The following CRTAC1 variants were observed in gnomAD, a reference collection of about 807,000 sequenced individuals.
CRTAC1 encodes cartilage acidic protein 1, also known as acidic secreted protein in cartilage.
A neutral mutation model predicts 67.8 loss-of-function variants in CRTAC1; 37 were observed. The ratio of observed to expected loss-of-function variants is 0.55; its 90% CI spans 0.42 to 0.72. The LOEUF (loss-of-function observed/expected upper bound fraction) is 0.72. Among genes scored for constraint, CRTAC1 ranks in the 30% least tolerant of loss-of-function variants. CRTAC1 has a pLI of 0.00. For synonymous variants in CRTAC1, 348 were observed against 371.0 expected (o/e 0.94, Z 0.71); for missense variants, 780 against 931.6 (o/e 0.84, Z 2.12).
chr10:97,932,439 T>C (rs1183575395), intron 3 of CRTAC1, among the ~76,000 whole-genome samples: 1 of 152,106 alleles, frequency 6.6e-6, no homozygotes, highest in Non-Finnish European at 1.5e-5. Context: ...ACTAAGACCC[T>C]AGTAGGAGAG....
chr10:97,989,233 C>G (rs1004297288), intron 2 of CRTAC1, among the ~76,000 whole-genome samples: 1 of 152,096 alleles, frequency 6.6e-6, no homozygotes, highest in Non-Finnish European at 1.5e-5. Flanking sequence ...AATCACATGC[C>G]GATTCCTCAT....
At chr10:97,999,613 GAGA>G (rs1467584616) in intron 2 of CRTAC1, among the ~76,000 whole-genome samples, 1 of 152,230 alleles carries the variant, frequency 6.6e-6, no homozygotes, top group Non-Finnish European at 1.5e-5. Flanking sequence ...ACAGGTTTCT[GAGA>G]AGAAGGGGGC....
At chr10:97,922,922 G>C (rs2050860924) in intron 4 of CRTAC1, among the ~76,000 whole-genome samples, 1 of 152,212 alleles carries the variant, frequency 6.6e-6, no homozygotes, top group African/African-American at 2.4e-5. Context: ...GCAGGATTTA[G>C]AGCTAGAAGA....
At chr10:97,953,315 C>A (rs1307982334) in intron 2 of CRTAC1, among the ~76,000 whole-genome samples, 1 of 152,132 alleles carries the variant, frequency 6.6e-6, no homozygotes, top group African/African-American at 2.4e-5. Flanking sequence ...AAGAGAGTGA[C>A]ATGCACCATA....
chr10:97,879,373 C>T (rs996921110), intron 14 of CRTAC1, among the ~76,000 whole-genome samples: 1 of 152,198 alleles, frequency 6.6e-6, no homozygotes, highest in African/African-American at 2.4e-5. Context: ...AAATAATGAG[C>T]TCACGAGACA....
In CRTAC1 at chr10:97,936,203, TCTC is replaced by T. The variant is rs1166749841; in HGVS notation, c.385_387del (p.Glu129del). The stretch of plus-strand genomic sequence containing the variant: ...GCATTATTGGTGTTGAGGAAGTAGA[TCTC>T]CTCCCGGCCGTCCCCGTCGATGTCG... On this transcript the variant is annotated inframe_deletion, in exon 3 of 15. Coordinates refer to ENST00000370597, the MANE Select transcript of CRTAC1 (RefSeq NM_018058.7). 1.2e-6 allele frequency: 2 copies of T among 1,613,008 alleles called. No homozygotes were observed. Among genetic ancestry groups the T allele is most frequent in the Non-Finnish European group, 1.7e-6 (2 of 1,179,518 alleles).
chr10:97,906,728 G>A (rs1219343303), intron 6 of CRTAC1, among the ~76,000 whole-genome samples: 1 of 152,210 alleles, frequency 6.6e-6, no homozygotes, highest in African/African-American at 2.4e-5. Context: ...AGGATAAGAG[G>A]TAAGGCAAGG....
chr10:97,965,552 T>C (rs948437432), intron 2 of CRTAC1, among the ~76,000 whole-genome samples: 1 of 152,218 alleles, frequency 6.6e-6, no homozygotes, highest in African/African-American at 2.4e-5. Flanking sequence ...TTCTTTCTTC[T>C]TTTTTGGTAA....
At chr10:97,930,735 C>T (rs1261718231) in intron 3 of CRTAC1, among the ~76,000 whole-genome samples, 1 of 152,094 alleles carries the variant, frequency 6.6e-6, no homozygotes, top group African/African-American at 2.4e-5. Context: ...GCTGGAAGTA[C>T]CACCCATCCA....
intron 4 of CRTAC1, among the ~76,000 whole-genome samples, chr10:97,918,711 C>T (rs2050793839): frequency 6.6e-6 from 1 of 152,202 alleles, no homozygotes; most frequent in Non-Finnish European, 1.5e-5. Context: ...TTCAATGTCT[C>T]ATCCATTGGC....
chr10:97,921,250 C>T (rs1233244521), intron 4 of CRTAC1, among the ~76,000 whole-genome samples: 1 of 152,080 alleles, frequency 6.6e-6, no homozygotes, highest in African/African-American at 2.4e-5. Context: ...ATCCACTGAC[C>T]AGGTAGCTAG....
intron 12 of CRTAC1, among the ~76,000 whole-genome samples, chr10:97,883,471 C>T (rs1365945850): frequency 6.6e-6 from 1 of 152,198 alleles, no homozygotes; most frequent in African/African-American, 2.4e-5. Context: ...ACACACATGA[C>T]ACAAAATGTC....
chr10:98,012,173 T>C (rs1842922760), intron 1 of CRTAC1, among the ~76,000 whole-genome samples: 1 of 152,206 alleles, frequency 6.6e-6, no homozygotes, highest in African/African-American at 2.4e-5. Flanking sequence ...ATAAATTAAT[T>C]ATGTATAATG....
chr10:97,874,244 G>T (rs767542719), intron 14 of CRTAC1, among the ~76,000 whole-genome samples: 2 of 152,204 alleles, frequency 1.3e-5, no homozygotes, highest in Non-Finnish European at 2.9e-5. Flanking sequence ...GACTTCTCAG[G>T]TGTTCCTGGA....
intron 2 of CRTAC1, among the ~76,000 whole-genome samples, chr10:97,948,903 G>T (rs548750674): frequency 1.3e-5 from 2 of 152,136 alleles, no homozygotes; most frequent in Non-Finnish European, 2.9e-5. Context: ...AGCAAGGAGT[G>T]GGGGAAAGCC....
chr10:97,886,691 C>T (rs1590182033), intron 11 of CRTAC1, among the ~76,000 whole-genome samples: 1 of 145,420 alleles, frequency 6.9e-6, no homozygotes, highest in Non-Finnish European at 1.5e-5. Context: ...GTCACCCAGG[C>T]TGGAGTGTGG....
chr10:97,992,970 T>A (rs914056034), intron 2 of CRTAC1, among the ~76,000 whole-genome samples: 3 of 152,194 alleles, frequency 2.0e-5, no homozygotes, highest in African/African-American at 2.4e-5. Context: ...GTAATGCATA[T>A]CTTAATTAGC....
chr10:98,009,664 T>C (rs1200778087), intron 2 of CRTAC1, among the ~76,000 whole-genome samples: 2 of 152,214 alleles, frequency 1.3e-5, no homozygotes, highest in Admixed American at 6.5e-5. Flanking sequence ...TACTGTTACA[T>C]GCAACTGCTG....
intron 2 of CRTAC1, among the ~76,000 whole-genome samples, chr10:97,992,110 C>T (rs1336342220): frequency 4.6e-5 from 7 of 152,260 alleles, no homozygotes; most frequent in Middle Eastern, 3.4e-3. Context: ...TCAGGCCAGC[C>T]GGATGGAGCA....
Sources: gnomAD v4.1 joint callset for allele counts (sites outside exome capture counted in the v4.1 genomes callset) on GRCh38, gnomAD v4.1.1 for gene constraint, MANE v1.5 for transcripts, NCBI Gene and HGNC (gene_info 2026-07-23, HGNC 2026-07-21) for gene names.